GRM8: variants seen among roughly 807,000 people sequenced by gnomAD.
GRM8 encodes metabotropic glutamate receptor 8.
In GRM8, 47 loss-of-function variants were observed where a neutral mutation model predicts 87.2. The ratio of observed to expected loss-of-function variants is 0.54; its 90% CI spans 0.43 to 0.69. GRM8 has a LOEUF of 0.69. Ranked by LOEUF, GRM8 falls within the 30% of genes least tolerant of loss-of-function variation. The pLI, the probability that GRM8 is intolerant of heterozygous loss-of-function variation, is 0.00. For missense variants in GRM8, 1,019 were observed against 1,139.2 expected (o/e 0.89, Z 1.52); for synonymous variants, 396 against 404.5 (o/e 0.98, Z 0.25).
At chr7:126,764,388 C>T (rs575675623) in intron 7 of GRM8, among the ~76,000 whole-genome samples, 92 of 152,068 alleles carry the variant, frequency 6.0e-4, no homozygotes, top group African/African-American at 2.1e-3. Context: ...TGACTTTACA[C>T]AATCTTATGA....
chr7:126,705,532 G>C (rs1280928665), intron 7 of GRM8, among the ~76,000 whole-genome samples: 1 of 152,160 alleles, frequency 6.6e-6, no homozygotes, highest in Non-Finnish European at 1.5e-5. Context: ...AAGCCTATCT[G>C]TGTACGTGTG....
rs565736453 is a variant in GRM8 at position 127,248,183 on chromosome 7, G to A, written c.-312+4614C>T. Reference sequence around the variant, plus strand: ...AAGCTACTTTTTATAATATGTATCAGATAAGAAGAGAGAAAGTGGGTGACA... The same window carrying A: ...AAGCTACTTTTTATAATATGTATCAAATAAGAAGAGAGAAAGTGGGTGACA... On this transcript the variant is annotated intron_variant, in intron 1 of 10. Transcript: ENST00000339582. Among the ~76,000 whole-genome samples, 9 of 152,298 alleles carry A rather than the reference G, an allele frequency of 5.9e-5. No homozygotes were observed. In the South Asian group the frequency reaches 1.9e-3, roughly 32 times the overall value.
At chr7:126,440,469 C>T in intron 10 of GRM8, among the ~76,000 whole-genome samples, 1 of 149,474 alleles carries the variant, frequency 6.7e-6, no homozygotes, top group Non-Finnish European at 1.5e-5. Context: ...ACTTCACATT[C>T]AATCACCACT....
At chr7:127,071,790 A>AT (rs560127597) in intron 3 of GRM8, among the ~76,000 whole-genome samples, 113 of 151,252 alleles carry the variant, frequency 7.5e-4, no homozygotes, top group East Asian at 4.3e-3. Context: ...ATATATACAT[A>AT]TTTTTTTTTG....
intron 3 of GRM8, chr7:126,981,916 G>A (rs963789359): frequency 6.6e-6 from 1 of 152,058 alleles, no homozygotes; most frequent in African/African-American, 2.4e-5. Flanking sequence ...AATAAATACT[G>A]CATCTTATTA....
chr7:126,440,105 G>C (rs547357125), intron 10 of GRM8, among the ~76,000 whole-genome samples: 2 of 151,772 alleles, frequency 1.3e-5, no homozygotes, highest in Non-Finnish European at 2.9e-5. Context: ...TGTAGTCTAA[G>C]TGTAGAGTTT....
chr7:127,006,188 G>A (rs1368035517), intron 3 of GRM8, among the ~76,000 whole-genome samples: 1 of 151,834 alleles, frequency 6.6e-6, no homozygotes, highest in African/African-American at 2.4e-5. Flanking sequence ...CTCCTAATAT[G>A]AGGGATGAAA....
chr7:126,483,784 C>A (rs1456312517), intron 9 of GRM8, among the ~76,000 whole-genome samples: 6 of 130,138 alleles, frequency 4.6e-5, no homozygotes, highest in Non-Finnish European at 9.6e-5. Context: ...TTCCTCCCCT[C>A]CTCCCTTCCT....
intron 9 of GRM8, among the ~76,000 whole-genome samples, chr7:126,483,730 AC>A: frequency 7.3e-6 from 1 of 137,662 alleles, no homozygotes; most frequent in Non-Finnish European, 1.5e-5. Flanking sequence ...CATAAAACTT[AC>A]CCTTAGTATT....
intron 7 of GRM8, among the ~76,000 whole-genome samples, chr7:126,691,111 G>A (rs772993107): frequency 2.0e-5 from 3 of 152,158 alleles, no homozygotes; most frequent in South Asian, 4.1e-4. Flanking sequence ...TGCCCATGGC[G>A]TCCAGGCTAT....
intron 8 of GRM8, among the ~76,000 whole-genome samples, chr7:126,543,278 A>G (rs1816748609): frequency 6.6e-6 from 1 of 152,222 alleles, no homozygotes; most frequent in African/African-American, 2.4e-5. Flanking sequence ...TTTACTTAAA[A>G]TGCATATTTC....
intron 6 of GRM8, among the ~76,000 whole-genome samples, chr7:126,841,685 T>C (rs937620225): frequency 6.6e-6 from 1 of 151,882 alleles, no homozygotes; most frequent in Middle Eastern, 3.4e-3. Flanking sequence ...TGGAGTGCAG[T>C]GGTGCAATCT....
At chr7:126,986,132 A>T (rs1812042812) in intron 3 of GRM8, among the ~76,000 whole-genome samples, 1 of 151,890 alleles carries the variant, frequency 6.6e-6, no homozygotes, top group South Asian at 2.1e-4. Flanking sequence ...TTCCACCTCA[A>T]CTTCCTGAGT....
chr7:126,636,365 T>A (rs1374925592), intron 7 of GRM8, among the ~76,000 whole-genome samples: 1 of 152,220 alleles, frequency 6.6e-6, no homozygotes, highest in South Asian at 2.1e-4. Flanking sequence ...AAGTTCCCGA[T>A]ATAAAATGGC....
rs116977527 is a variant in GRM8 at position 126,964,016 on chromosome 7, T to A, written c.728-59333A>T. 4.4e-3 allele frequency among the ~76,000 whole-genome samples: 667 copies of A among 152,126 alleles called. 10 individuals carry two copies. The East Asian group carries it at 0.067, about 15-fold the overall frequency. ...GAGGCCTCAGAAATAACACCAAACA[T>A]CTACGACCATCAGGTCTTTGACAAA... On this transcript the variant is annotated intron_variant, in intron 3 of 10. Transcript: ENST00000339582.
intron 6 of GRM8, among the ~76,000 whole-genome samples, chr7:126,802,475 C>A (rs1822821978): frequency 6.6e-6 from 1 of 151,892 alleles, no homozygotes; most frequent in South Asian, 2.1e-4. Context: ...AAGTGTTCAT[C>A]AATGGATGAA....
intron 3 of GRM8, among the ~76,000 whole-genome samples, chr7:126,982,038 C>G (rs1053522818): frequency 1.3e-5 from 2 of 152,014 alleles, no homozygotes; most frequent in Non-Finnish European, 2.9e-5. Context: ...AGTATTAACT[C>G]ACATGATCAC....
chr7:127,134,732 A>G (rs1175869799), intron 2 of GRM8, among the ~76,000 whole-genome samples: 1 of 152,150 alleles, frequency 6.6e-6, no homozygotes, highest in Non-Finnish European at 1.5e-5. Context: ...GCATTTTCTT[A>G]TATACAAAAA....
chr7:126,880,002 C>G (rs1799882706), intron 6 of GRM8, among the ~76,000 whole-genome samples: 1 of 152,164 alleles, frequency 6.6e-6, no homozygotes, highest in Non-Finnish European at 1.5e-5. Flanking sequence ...CTTAAGACAA[C>G]CTTTCTAGGA....
Sources: allele counts gnomAD v4.1 joint callset (sites outside exome capture counted in the v4.1 genomes callset), GRCh38; gene constraint gnomAD v4.1.1; transcripts MANE v1.5; gene names NCBI Gene and HGNC (gene_info 2026-07-23, HGNC 2026-07-21).